The following CACNB4 variants were observed in gnomAD, a reference collection of about 807,000 sequenced individuals.
CACNB4 encodes the protein calcium voltage-gated channel auxiliary subunit beta 4, also known as voltage-dependent L-type calcium channel subunit beta-4.
A neutral mutation model predicts 71.2 loss-of-function variants in CACNB4; 32 were observed. That is an observed-to-expected ratio of 0.45 (90% CI 0.34 to 0.60). The LOEUF (loss-of-function observed/expected upper bound fraction) is 0.60, where lower values mean the gene tolerates loss of function less well. Among genes scored for constraint, CACNB4 ranks in the 20% least tolerant of loss-of-function variants. The pLI, the probability that CACNB4 is intolerant of heterozygous loss-of-function variation, is 0.01. For missense variants in CACNB4, 464 were observed against 647.9 expected (o/e 0.72, Z 3.08); for synonymous variants, 231 against 236.9 (o/e 0.97, Z 0.23).
intron 2 of CACNB4, among the ~76,000 whole-genome samples, chr2:151,891,047 A>T (rs1258597451): frequency 6.6e-6 from 1 of 152,214 alleles, no homozygotes; most frequent in African/African-American, 2.4e-5. Context: ...ACTAAAGCAC[A>T]GGCTTTGAAT....
chr2:151,883,599 A>T (rs2099848537), intron 2 of CACNB4: 2 of 525,514 alleles, frequency 3.8e-6, no homozygotes, highest in South Asian at 4.0e-5. Flanking sequence ...AAGTGCTAGG[A>T]AGTAAACTGC....
intron 2 of CACNB4, among the ~76,000 whole-genome samples, chr2:152,034,023 A>G (rs928715124): frequency 5.0e-4 from 76 of 152,028 alleles, no homozygotes; most frequent in South Asian, 1.9e-3. Context: ...CCTGGGGGGG[A>G]AAATTAAGTT....
intron 12 of CACNB4, among the ~76,000 whole-genome samples, chr2:151,842,813 G>A (rs570026829): frequency 3.3e-5 from 5 of 152,142 alleles, no homozygotes; most frequent in Non-Finnish European, 7.4e-5. Flanking sequence ...TTCTAGACAT[G>A]TTTTGGGCAA....
chr2:151,966,932 G>A (rs2099871269), intron 2 of CACNB4, among the ~76,000 whole-genome samples: 1 of 151,868 alleles, frequency 6.6e-6, no homozygotes, highest in South Asian at 2.1e-4. Flanking sequence ...ATTATTGACA[G>A]GGATGAGGAA....
At chr2:152,048,886 A>G (rs919965851) in intron 2 of CACNB4, 2 of 152,292 alleles carry the variant, frequency 1.3e-5, no homozygotes, top group Non-Finnish European at 2.9e-5. Flanking sequence ...AAGAAAGAAG[A>G]GAGCAGATGG....
At chr2:151,958,234 A>G (rs2099868805) in intron 2 of CACNB4, among the ~76,000 whole-genome samples, 1 of 152,214 alleles carries the variant, frequency 6.6e-6, no homozygotes, top group East Asian at 1.9e-4. Flanking sequence ...GTAAAAGGAT[A>G]ATATATGGCA....
intron 2 of CACNB4, among the ~76,000 whole-genome samples, chr2:152,025,560 G>C (rs891061616): frequency 6.6e-6 from 1 of 152,172 alleles, no homozygotes; most frequent in Non-Finnish European, 1.5e-5. Flanking sequence ...TGATTGCCCA[G>C]GGGCCAGATT....
At position 151,836,616 on chromosome 2, in the gene CACNB4, A is replaced by C. The variant is rs933589991; in HGVS notation, c.*2503T>G. 22 of 152,104 alleles carry C rather than the reference A, an allele frequency of 1.4e-4. No individual in the cohort carries two copies. Among genetic ancestry groups the C allele is most frequent in the African/African-American group, 5.3e-4 (22 of 41,576 alleles). 9.4% of individuals were successfully genotyped at this position (152,104 alleles called of 1,614,324 possible). ...CAGCTTTTGAATAAGAATGCAAAGC[A>C]AAACAGGTATGGACATCTGATGGTA... On this transcript the variant is annotated 3_prime_UTR_variant, in exon 14 of 14. Transcript: ENST00000539935.
intron 2 of CACNB4, among the ~76,000 whole-genome samples, chr2:152,082,801 G>C (rs1368365450): frequency 6.6e-6 from 1 of 152,160 alleles, no homozygotes; most frequent in East Asian, 1.9e-4. Context: ...ACAACAGAAA[G>C]CTAGGCTCCC....
chr2:152,010,660 A>G (rs1683003006), intron 2 of CACNB4, among the ~76,000 whole-genome samples: 1 of 152,208 alleles, frequency 6.6e-6, no homozygotes, highest in Admixed American at 6.5e-5. Context: ...TAAACGGTGC[A>G]TGGGTCACTC....
intron 2 of CACNB4, among the ~76,000 whole-genome samples, chr2:152,055,755 G>A (rs1039945701): frequency 6.6e-6 from 1 of 152,168 alleles, no homozygotes; most frequent in Non-Finnish European, 1.5e-5. Context: ...TAATTAAGAA[G>A]CTATTGCCAA....
Position 151,869,167 on chromosome 2 carries a change from T to A in CACNB4, c.758+10A>T, listed in dbSNP as rs767190189. On this transcript the variant is annotated intron_variant, in intron 9 of 13. Transcript: ENST00000539935. Reference sequence around the variant, plus strand: ...GAAAATAAAAATACAAAAACATCTATATTTCTCACCTCCCATCAAACCTGT... The same window carrying A: ...GAAAATAAAAATACAAAAACATCTAAATTTCTCACCTCCCATCAAACCTGT... 6.7e-7 allele frequency: 1 copy of A among 1,487,260 alleles called. No individual in the cohort carries two copies. The allele number at this position is 1,487,260 out of a possible 1,614,324, so 92.1% of individuals were successfully genotyped here.
chr2:151,833,130 A>G lies in CACNB4; in HGVS notation c.*5989T>C, dbSNP rs1047167511. 8 of 152,176 alleles carry G rather than the reference A, an allele frequency of 5.3e-5. No homozygotes were observed. The highest frequency in any genetic ancestry group is 1.9e-4 in the African/African-American group (8 of 41,470). 9.4% of individuals were successfully genotyped at this position (152,176 alleles called of 1,614,324 possible). A position where few individuals can be genotyped will look rare whatever the true frequency, so the allele number is the denominator to read the frequency against. On this transcript the variant is annotated 3_prime_UTR_variant, in exon 14 of 14. Transcript: ENST00000539935. ...AAATTATTTGACAAAGGCATTTTTTATCCCACTTTGTCAATGGAGATATAG... is the reference window on the plus strand; with the variant it reads ...AAATTATTTGACAAAGGCATTTTTTGTCCCACTTTGTCAATGGAGATATAG...
At position 151,909,461 on chromosome 2, in the gene CACNB4, AAC is replaced by A. The variant is rs1491193993; in HGVS notation, c.148-26093_148-26092del. Reference sequence around the variant, plus strand: ...AGGGAGGAAAAAAACAAAAAAAAAAAACAAAAAATGGGATACAAGTGCAGATT... The same window carrying A: ...AGGGAGGAAAAAAACAAAAAAAAAAAAAAAAATGGGATACAAGTGCAGATT... On this transcript the variant is annotated intron_variant, in intron 2 of 13. Transcript: ENST00000539935. 1.9e-3 allele frequency among the ~76,000 whole-genome samples: 255 copies of A among 131,864 alleles called. 21 individuals carry two copies. The highest frequency in any genetic ancestry group is 2.6e-3 in the Non-Finnish European group (149 of 56,604). The allele number at this position is 131,864 out of a possible 152,430, so 86.5% of individuals were successfully genotyped here. A position where few individuals can be genotyped will look rare whatever the true frequency, so the allele number is the denominator to read the frequency against.
intron 2 of CACNB4, among the ~76,000 whole-genome samples, chr2:152,024,090 GA>G (rs1683831304): frequency 6.6e-6 from 1 of 152,302 alleles, no homozygotes; most frequent in Admixed American, 6.5e-5. Flanking sequence ...GAGGCTGAAG[GA>G]GGAGGATTGC....
At chr2:152,028,448 T>A (rs183071645) in intron 2 of CACNB4, among the ~76,000 whole-genome samples, 1 of 152,360 alleles carries the variant, frequency 6.6e-6, no homozygotes, top group Admixed American at 6.5e-5. Context: ...TAACTAGTTC[T>A]ACTGTAGCCT....
intron 2 of CACNB4, among the ~76,000 whole-genome samples, chr2:151,977,798 G>C (rs567886886): frequency 1.1e-4 from 16 of 152,336 alleles, no homozygotes; most frequent in African/African-American, 1.7e-4. Context: ...TCAGAGAAGA[G>C]ACAAAGGAAT....
chr2:152,035,651 C>CTCTCTCTATATATA (rs796161186), intron 2 of CACNB4, among the ~76,000 whole-genome samples: 7 of 118,070 alleles, frequency 5.9e-5, no homozygotes, highest in South Asian at 2.9e-4. Context: ...CTCTCTCTCT[C>CTCTCTCTATATATA]TATATATATA....
At chr2:151,869,476 G>A in intron 8 of CACNB4, 1 of 404,506 alleles carries the variant, frequency 2.5e-6, no homozygotes, top group South Asian at 5.7e-5. Flanking sequence ...GTGTTCACCA[G>A]ACCCTCTTCC....
Sources: gnomAD v4.1 joint callset for allele counts (sites outside exome capture counted in the v4.1 genomes callset) on GRCh38, gnomAD v4.1.1 for gene constraint, MANE v1.5 for transcripts, NCBI Gene and HGNC (gene_info 2026-07-23, HGNC 2026-07-21) for gene names.